The following RPSA2 variants were observed in gnomAD, a reference collection of about 807,000 sequenced individuals.
RPSA2 encodes the protein ribosomal protein SA 2.
the RPSA2 span, among the ~76,000 whole-genome samples, chr19:23,780,905 T>TGA: frequency 1.3e-5 from 2 of 152,246 alleles, no homozygotes; most frequent in African/African-American, 4.8e-5. Flanking sequence ...CTTTTGAGGT[T>TGA]CTGAACCTCA....
At chr19:23,761,904 C>CA in the RPSA2 span, among the ~76,000 whole-genome samples, 1 of 26,642 alleles carries the variant, frequency 3.8e-5, no homozygotes, top group African/African-American at 1.2e-4. Flanking sequence ...TAACGTAATT[C>CA]TTTCTTTCTT....
the RPSA2 span, among the ~76,000 whole-genome samples, chr19:23,767,554 G>T: frequency 6.6e-6 from 1 of 152,100 alleles, no homozygotes; most frequent in Non-Finnish European, 1.5e-5. Flanking sequence ...CAAGCAAAAT[G>T]TACCTGAGAC....
chr19:23,785,990 C>T, the RPSA2 span, among the ~76,000 whole-genome samples: 1 of 152,168 alleles, frequency 6.6e-6, no homozygotes, highest in African/African-American at 2.4e-5. Context: ...CACACCCCAC[C>T]AATTGTTAGA....
At chr19:23,790,076 T>C in the RPSA2 span, among the ~76,000 whole-genome samples, 1 of 152,022 alleles carries the variant, frequency 6.6e-6, no homozygotes, top group African/African-American at 2.4e-5. Context: ...CTGGGCCCAC[T>C]GCAACCTCTA....
chr19:23,864,965 C>G, the RPSA2 span, among the ~76,000 whole-genome samples: 23 of 152,276 alleles, frequency 1.5e-4, no homozygotes, highest in African/African-American at 5.5e-4. Flanking sequence ...AAGCAAGGAG[C>G]CCTCTGACCT....
the RPSA2 span, among the ~76,000 whole-genome samples, chr19:23,866,513 G>GGCC: frequency 7.0e-6 from 1 of 142,282 alleles, no homozygotes; most frequent in Non-Finnish European, 1.5e-5. Context: ...ACAATGTGGT[G>GGCC]CCCCCCCCCG....
chr19:23,858,730 C>A, the RPSA2 span, among the ~76,000 whole-genome samples: 40 of 152,168 alleles, frequency 2.6e-4, no homozygotes, highest in African/African-American at 9.7e-4. Context: ...AATGGTAGCT[C>A]CATCTTCCCT....
chr19:23,824,105 G>A, the RPSA2 span, among the ~76,000 whole-genome samples: 1 of 152,182 alleles, frequency 6.6e-6, no homozygotes, highest in African/African-American at 2.4e-5. Context: ...TGTGCATGGT[G>A]GCCATCTAGT....
chr19:23,849,080 G>GCCAACATTAAC, the RPSA2 span, among the ~76,000 whole-genome samples: 1 of 152,202 alleles, frequency 6.6e-6, no homozygotes. Context: ...TTTTCCTGGA[G>GCCAACATTAAC]TCAAAATGGG....
the RPSA2 span, chr19:23,782,242 A>G: frequency 2.0e-5 from 3 of 152,178 alleles, no homozygotes; most frequent in East Asian, 3.9e-4. Flanking sequence ...GGGACATACT[A>G]TTGGGTCCAG....
chr19:23,848,163 A>G, the RPSA2 span, among the ~76,000 whole-genome samples: 1 of 152,238 alleles, frequency 6.6e-6, no homozygotes, highest in Non-Finnish European at 1.5e-5. Context: ...TAAGATAGGC[A>G]TAAGAAATTA....
the RPSA2 span, among the ~76,000 whole-genome samples, chr19:23,857,507 TGAG>T: frequency 1.6e-5 from 2 of 128,570 alleles, no homozygotes; most frequent in African/African-American, 2.8e-5. Flanking sequence ...TTTTTTTTTT[TGAG>T]ATGGAGTTTT....
the RPSA2 span, among the ~76,000 whole-genome samples, chr19:23,863,582 A>G: frequency 2.3e-5 from 3 of 128,204 alleles, no homozygotes; most frequent in Admixed American, 8.0e-5. Context: ...AAAAAAAAAA[A>G]AAGGCACTCT....
the RPSA2 span, among the ~76,000 whole-genome samples, chr19:23,852,704 A>G: frequency 6.6e-6 from 1 of 152,220 alleles, no homozygotes; most frequent in African/African-American, 2.4e-5. Context: ...CATTATGGAC[A>G]TGTTATATTG....
At chr19:23,825,852 G>A in the RPSA2 span, among the ~76,000 whole-genome samples, 2 of 152,122 alleles carry the variant, frequency 1.3e-5, no homozygotes, top group South Asian at 2.1e-4. Flanking sequence ...GCTTCCCAAT[G>A]TACTGAGATT....
At chr19:23,827,368 A>T in the RPSA2 span, 1 of 1,571,402 alleles carries the variant, frequency 6.4e-7, no homozygotes. Context: ...TTGCCATTGA[A>T]AACCCTGCTG....
At chr19:23,826,701 T>A in the RPSA2 span, among the ~76,000 whole-genome samples, 12 of 152,236 alleles carry the variant, frequency 7.9e-5, no homozygotes, top group South Asian at 2.1e-4. Flanking sequence ...ATATATATAT[T>A]TTTTGAGACA....
the RPSA2 span, among the ~76,000 whole-genome samples, chr19:23,858,107 T>TAC: frequency 2.8e-4 from 43 of 151,060 alleles, no homozygotes; most frequent in African/African-American, 9.2e-4. Flanking sequence ...TATAAGCAAA[T>TAC]ATATATATAT....
At chr19:23,768,449 T>G in the RPSA2 span, among the ~76,000 whole-genome samples, 1 of 150,904 alleles carries the variant, frequency 6.6e-6, no homozygotes, top group African/African-American at 2.4e-5. Context: ...TATCCAAGTT[T>G]AATGCAAAAT....
Sources: gnomAD v4.1 joint callset for allele counts (sites outside exome capture counted in the v4.1 genomes callset) on GRCh38, gnomAD v4.1.1 for gene constraint, MANE v1.5 for transcripts, NCBI Gene and HGNC (gene_info 2026-07-23, HGNC 2026-07-21) for gene names.